The following KLF15 variants were observed in gnomAD, a reference collection of about 807,000 sequenced individuals.
KLF15 encodes the protein Krueppel-like factor 15.
Under a neutral mutation model 24.6 loss-of-function variants are expected in KLF15, and 4 were observed. That is an observed-to-expected ratio of 0.16 (90% CI 0.08 to 0.37). The LOEUF (loss-of-function observed/expected upper bound fraction) is 0.37. KLF15 is among the 10% of genes least tolerant of loss of function. The pLI is 1.00. For synonymous variants in KLF15, 246 were observed against 236.3 expected, an observed-to-expected ratio of 1.04 and a Z score of -0.37; for missense variants, 496 against 560.6, an observed-to-expected ratio of 0.88 and a Z score of 1.16.
downstream of KLF15, among the ~76,000 whole-genome samples, chr3:126,338,482 G>C (rs530270505): frequency 1.3e-5 from 2 of 152,306 alleles, no homozygotes; most frequent in South Asian, 4.1e-4. Context: ...CTACAGAAAT[G>C]ACATCAATGT....
the KLF15 span, among the ~76,000 whole-genome samples, chr3:126,306,994 A>G: frequency 4.6e-5 from 7 of 151,814 alleles, no homozygotes; most frequent in Admixed American, 4.6e-4. Context: ...CTGGTACCAC[A>G]CCCTCAGGCC....
the KLF15 span, among the ~76,000 whole-genome samples, chr3:126,337,392 C>G: frequency 2.5e-5 from 3 of 120,194 alleles, no homozygotes; most frequent in African/African-American, 3.4e-5. Context: ...CACATGGACA[C>G]AGGAAGGGGA....
At chr3:126,321,577 G>T in the KLF15 span, among the ~76,000 whole-genome samples, 1 of 152,258 alleles carries the variant, frequency 6.6e-6, no homozygotes, top group African/African-American at 2.4e-5. Flanking sequence ...GTCATTCACT[G>T]CCCCATGCCC....
the KLF15 span, among the ~76,000 whole-genome samples, chr3:126,305,446 C>A: frequency 1.3e-5 from 2 of 152,204 alleles, no homozygotes; most frequent in African/African-American, 4.8e-5. Flanking sequence ...TTTCAAATGG[C>A]TGCCACAAAT....
the KLF15 span, among the ~76,000 whole-genome samples, chr3:126,292,194 G>T: frequency 4.6e-5 from 7 of 152,168 alleles, no homozygotes. Context: ...TGGCTCCAGG[G>T]AAGCACAGGG....
chr3:126,348,279 G>A (rs1055978350), intron 2 of KLF15, among the ~76,000 whole-genome samples: 1 of 152,202 alleles, frequency 6.6e-6, no homozygotes, highest in African/African-American at 2.4e-5. Flanking sequence ...TGAGAATTAC[G>A]TAAATTAATA....
chr3:126,330,050 A>G, the KLF15 span, among the ~76,000 whole-genome samples: 6 of 152,186 alleles, frequency 3.9e-5, no homozygotes, highest in Admixed American at 3.3e-4. Context: ...GTCAGAGCAG[A>G]CAGGATGCAA....
the KLF15 span, among the ~76,000 whole-genome samples, chr3:126,317,972 A>G: frequency 6.6e-6 from 1 of 152,098 alleles, no homozygotes; most frequent in Non-Finnish European, 1.5e-5. Context: ...TGCTGCTAAC[A>G]ATAACATCTT....
intron 2 of KLF15, among the ~76,000 whole-genome samples, chr3:126,345,191 C>T (rs2082523853): frequency 6.6e-6 from 1 of 152,202 alleles, no homozygotes; most frequent in South Asian, 2.1e-4. Flanking sequence ...GGACTGCATC[C>T]AATTCTAGGC....
At position 126,343,927 on chromosome 3, in the gene KLF15, GCCCTGCCTGC is replaced by G. The variant is rs376956751; in HGVS notation, c.1083-42_1083-33del. On this transcript the variant is annotated intron_variant, in intron 2 of 2. Transcript: ENST00000296233. ...GACATGGCGCGGTCAGCGAGGCCTG[GCCCTGCCTGC>G]CCCTGCCTGCCCCGACCCCACGAAG... 6 of 1,539,692 alleles carry G rather than the reference GCCCTGCCTGC, an allele frequency of 3.9e-6. No homozygotes were observed. The African/African-American group carries it at 6.9e-5, about 18-fold the overall frequency.
intron 2 of KLF15, among the ~76,000 whole-genome samples, chr3:126,349,922 C>T (rs1004868721): frequency 6.6e-6 from 1 of 152,202 alleles, no homozygotes; most frequent in African/African-American, 2.4e-5. Context: ...CAGGGTTCCT[C>T]CTCAGAAACT....
chr3:126,304,052 G>A, the KLF15 span, among the ~76,000 whole-genome samples: 141 of 152,102 alleles, frequency 9.3e-4, 2 homozygotes, highest in East Asian at 0.023. Context: ...GTTCTGATTT[G>A]CTTTTGATTG....
At chr3:126,293,192 G>C in the KLF15 span, among the ~76,000 whole-genome samples, 5 of 150,926 alleles carry the variant, frequency 3.3e-5, no homozygotes, top group African/African-American at 1.2e-4. Flanking sequence ...GTGCACACTT[G>C]TAGTCTCAGC....
chr3:126,314,518 C>T, the KLF15 span, among the ~76,000 whole-genome samples: 1 of 152,176 alleles, frequency 6.6e-6, no homozygotes. Context: ...GGGACCCACA[C>T]GTGTTCCCAG....
At chr3:126,353,076 A>G (rs967019634) in intron 1 of KLF15, 129 bp from the exon 2 acceptor site, 2 of 1,086,402 alleles carry the variant, frequency 1.8e-6, no homozygotes, top group Non-Finnish European at 2.5e-6. Flanking sequence ...TCCTGCTTCC[A>G]TCCCCCAGGA....
the KLF15 span, among the ~76,000 whole-genome samples, chr3:126,313,002 C>T: frequency 6.6e-6 from 1 of 152,112 alleles, no homozygotes; most frequent in Admixed American, 6.5e-5. Context: ...GTTCTGTCTC[C>T]CAAAATTCAT....
the KLF15 span, among the ~76,000 whole-genome samples, chr3:126,335,620 G>A: frequency 4.1e-4 from 60 of 145,734 alleles, no homozygotes; most frequent in Non-Finnish European, 8.6e-4. Context: ...ATTAGGAAAA[G>A]AGGAAGTCAA....
chr3:126,312,227 G>A, the KLF15 span, among the ~76,000 whole-genome samples: 2 of 152,182 alleles, frequency 1.3e-5, no homozygotes, highest in East Asian at 3.9e-4. Flanking sequence ...ACCCACACTG[G>A]AGTAGAGTGA....
In KLF15 at chr3:126,352,877, T is replaced by C. The variant is rs2082597568; in HGVS notation, c.46A>G (p.Lys16Glu). The change falls in exon 2 of 3, where the codon AAA (lysine) becomes GAA (glutamate). Residue 16 changes from lysine to glutamate, a missense_variant. Around this residue, in one of 3 missense-constraint regions of KLF15, gnomAD observed 399 missense variants for 423.1 expected, o/e 0.94. Coordinates refer to ENST00000296233, the MANE Select transcript of KLF15 (RefSeq NM_014079.4). Reference protein sequence around the residue: ...LPVDENFSSPKCPVGYLGDRL... With the variant: ...LPVDENFSSPECPVGYLGDRL... ...TCACCCAGATACCCAACTGGGCATT[T>C]TGGCGACGAGAAGTTCTCGTCCACT... The C allele has an allele frequency of 6.2e-7, 1 of 1,612,148 alleles. No homozygotes were observed. The highest frequency in any genetic ancestry group is 2.2e-5 in the East Asian group (1 of 44,854).
Sources: gnomAD v4.1 joint callset for allele counts (sites outside exome capture counted in the v4.1 genomes callset) on GRCh38, gnomAD v4.1.1 for gene constraint, gnomAD v4.1.1 regional missense constraint, MANE v1.5 for transcripts, NCBI Gene and HGNC (gene_info 2026-07-23, HGNC 2026-07-21) for gene names.